The following HMBOX1 variants were observed in gnomAD, a reference collection of about 807,000 sequenced individuals.
The protein encoded by HMBOX1 is homeobox containing 1, also known as homeobox-containing protein 1.
A neutral mutation model predicts 54.5 loss-of-function variants in HMBOX1; 14 were observed. The observed-to-expected ratio is 0.26, with a 90% CI of 0.17 to 0.40. The LOEUF (loss-of-function observed/expected upper bound fraction) is 0.40, where lower values mean the gene tolerates loss of function less well. Ranked by LOEUF, HMBOX1 falls within the 10% of genes least tolerant of loss-of-function variation. The pLI is 1.00. For missense variants in HMBOX1, 332 were observed against 514.4 expected (o/e 0.65, Z 3.43); for synonymous variants, 160 against 181.0 (o/e 0.88, Z 0.93).
chr8:29,040,399 C>CA (rs1756171296), intron 6 of HMBOX1, among the ~76,000 whole-genome samples: 1 of 152,008 alleles, frequency 6.6e-6, no homozygotes, highest in Non-Finnish European at 1.5e-5. Flanking sequence ...TCTTTTCTCA[C>CA]AAAAAAGTTT....
chr8:29,004,349 G>A (rs1318199450), intron 4 of HMBOX1, among the ~76,000 whole-genome samples: 3 of 152,178 alleles, frequency 2.0e-5, no homozygotes, highest in Non-Finnish European at 4.4e-5. Flanking sequence ...CGACTGAAAA[G>A]ATGTGGTGTT....
intron 1 of HMBOX1, among the ~76,000 whole-genome samples, chr8:28,892,819 A>G (rs999019768): frequency 2.6e-5 from 4 of 152,188 alleles, no homozygotes; most frequent in Non-Finnish European, 5.9e-5. Context: ...TTTGTGATAG[A>G]CCAGGATTTT....
chr8:28,919,971 TTGTGTGTGTG>T (rs5890431), intron 1 of HMBOX1, among the ~76,000 whole-genome samples: 12 of 148,994 alleles, frequency 8.1e-5, no homozygotes, highest in African/African-American at 2.2e-4. Flanking sequence ...AAGTGAAGTT[TTGTGTGTGTG>T]TGTGTGTGTG....
intron 1 of HMBOX1, among the ~76,000 whole-genome samples, chr8:28,913,035 T>C (rs540520819): frequency 6.6e-6 from 1 of 152,296 alleles, no homozygotes; most frequent in Admixed American, 6.5e-5. Flanking sequence ...CTATATTCTG[T>C]TTCCAAATAT....
At chr8:28,923,633 A>G (rs1012963106) in intron 1 of HMBOX1, among the ~76,000 whole-genome samples, 5 of 152,236 alleles carry the variant, frequency 3.3e-5, no homozygotes, top group African/African-American at 1.2e-4. Flanking sequence ...CCAGAAGTGG[A>G]ATTGCTGGGT....
intron 3 of HMBOX1, among the ~76,000 whole-genome samples, chr8:28,977,946 A>C (rs1828701511): frequency 6.8e-6 from 1 of 146,992 alleles, no homozygotes; most frequent in Admixed American, 6.8e-5. Flanking sequence ...TCTGTCTCCA[A>C]AAAAAAAAAA....
intron 4 of HMBOX1, among the ~76,000 whole-genome samples, chr8:29,000,546 A>G (rs1031277317): frequency 2.0e-5 from 3 of 152,232 alleles, no homozygotes; most frequent in Non-Finnish European, 2.9e-5. Context: ...TGCAGTGTTA[A>G]CTTATTGCCA....
chr8:28,927,651 C>G (rs1462329914), intron 1 of HMBOX1, among the ~76,000 whole-genome samples: 2 of 152,062 alleles, frequency 1.3e-5, no homozygotes, highest in African/African-American at 4.8e-5. Context: ...TTCCACTAGG[C>G]CCCATCACCA....
intron 5 of HMBOX1, chr8:29,009,521 CTCTTT>C: frequency 2.1e-6 from 1 of 470,392 alleles, no homozygotes; most frequent in Non-Finnish European, 2.5e-6. Context: ...GATTCCGTAT[CTCTTT>C]TTTTTTTTTT....
chr8:29,020,707 G>C (rs1426450595), intron 6 of HMBOX1, among the ~76,000 whole-genome samples: 2 of 152,036 alleles, frequency 1.3e-5, no homozygotes, highest in East Asian at 3.9e-4. Context: ...TAGTACAGAA[G>C]GTCACACAGT....
At chr8:29,001,791 T>C (rs1832711499) in intron 4 of HMBOX1, among the ~76,000 whole-genome samples, 1 of 151,976 alleles carries the variant, frequency 6.6e-6, no homozygotes, top group South Asian at 2.1e-4. Context: ...AAGATAAGAG[T>C]TTAGGAATGG....
intron 8 of HMBOX1, chr8:29,048,702 G>T: frequency 2.6e-6 from 1 of 390,938 alleles, no homozygotes; most frequent in East Asian, 4.3e-5. Context: ...TGTTTAGTTA[G>T]TTAGCAAGTA....
chr8:29,004,539 A>AT (rs1378626484), intron 4 of HMBOX1, among the ~76,000 whole-genome samples: 8 of 152,198 alleles, frequency 5.3e-5, no homozygotes, highest in African/African-American at 1.9e-4. Context: ...AGGTAGCCTG[A>AT]TGCAGCTGCT....
chr8:29,011,815 C>G (rs1209575680), intron 5 of HMBOX1, among the ~76,000 whole-genome samples: 1 of 152,026 alleles, frequency 6.6e-6, no homozygotes. Context: ...GAAGGTAGAA[C>G]TAGGGAATTG....
intron 4 of HMBOX1, among the ~76,000 whole-genome samples, chr8:28,989,802 C>A (rs1340952808): frequency 6.6e-6 from 1 of 152,174 alleles, no homozygotes; most frequent in African/African-American, 2.4e-5. Context: ...TAGGAATTTA[C>A]ATCTTAATCA....
intron 1 of HMBOX1, among the ~76,000 whole-genome samples, chr8:28,907,849 C>G (rs947101182): frequency 6.9e-6 from 1 of 144,320 alleles, no homozygotes; most frequent in Non-Finnish European, 1.5e-5. Flanking sequence ...TTCTTTCTTT[C>G]TTTTTTTTTT....
intron 8 of HMBOX1, among the ~76,000 whole-genome samples, chr8:29,047,684 C>T (rs752296434): frequency 6.6e-6 from 1 of 151,370 alleles, no homozygotes; most frequent in Non-Finnish European, 1.5e-5. Context: ...TCTCCTGCCT[C>T]AGCCTCCCGA....
At chr8:28,952,886 T>C (rs1042135821) in intron 1 of HMBOX1, among the ~76,000 whole-genome samples, 9 of 152,242 alleles carry the variant, frequency 5.9e-5, no homozygotes, top group African/African-American at 2.2e-4. Flanking sequence ...GCACAGTGTT[T>C]ATCACAAGTA....
intron 8 of HMBOX1, chr8:29,048,753 A>G: frequency 1.9e-6 from 1 of 526,296 alleles, no homozygotes; most frequent in South Asian, 2.7e-5. Flanking sequence ...GAGACCCCAG[A>G]ATGGCAAATG....
Sources: gnomAD v4.1 joint callset for allele counts (sites outside exome capture counted in the v4.1 genomes callset) on GRCh38, gnomAD v4.1.1 for gene constraint, MANE v1.5 for transcripts, NCBI Gene and HGNC (gene_info 2026-07-23, HGNC 2026-07-21) for gene names.